The following DCAF7 variants were observed in gnomAD, a reference collection of about 807,000 sequenced individuals.
DCAF7 encodes DDB1- and CUL4-associated factor 7.
In DCAF7, 4 loss-of-function variants were observed where a neutral mutation model predicts 41.2. That is an observed-to-expected ratio of 0.10 (90% confidence interval 0.05 to 0.22). The LOEUF (loss-of-function observed/expected upper bound fraction) is 0.22. Ranked by LOEUF, DCAF7 falls within the 10% of genes least tolerant of loss-of-function variation. The pLI, the probability that DCAF7 is intolerant of heterozygous loss-of-function variation, is 1.00. For synonymous variants in DCAF7, 143 were observed against 164.2 expected (o/e 0.87, Z 0.99); for missense variants, 131 against 443.2 (o/e 0.30, Z 6.32).
In DCAF7 at chr17:63,550,558, G is replaced by C; in HGVS notation, c.-120G>C. The C allele has an allele frequency of 6.8e-7, 1 of 1,469,184 alleles. No individual in the cohort carries two copies. The allele number at this position is 1,469,184 out of a possible 1,614,324, so 91.0% of individuals were successfully genotyped here. A position where few individuals can be genotyped will look rare whatever the true frequency, so the allele number is the denominator to read the frequency against. ...TTTGTCGCCGCATCCCCGCTTCCGG[G>C]TTAGGCCGTTCCTGCCCGCCCCCTC... On this transcript the variant is annotated 5_prime_UTR_variant, in exon 1 of 7. Coordinates refer to ENST00000614556, the MANE Select transcript of DCAF7 (RefSeq NM_005828.5). This position sits in a 1 kb window ranked among gnomAD's most constrained non-coding sequence, Gnocchi z 4.8.
chr17:63,567,029 A>G (rs531432810), intron 1 of DCAF7, among the ~76,000 whole-genome samples: 71 of 151,954 alleles, frequency 4.7e-4, no homozygotes, highest in South Asian at 4.4e-3. Context: ...GTCTCAAACT[A>G]CTGGGCTCAA....
rs565363123 is a variant in DCAF7, at chr17:63,559,383, A to ATG, written c.138+8569_138+8570insGT. Among the ~76,000 whole-genome samples, 224 of 53,222 alleles carry ATG rather than the reference A, an allele frequency of 4.2e-3. 2 individuals are homozygous for ATG. Among genetic ancestry groups the ATG allele is most frequent in the African/African-American group, 8.6e-3 (121 of 14,046 alleles). The allele number at this position is 53,222 out of a possible 152,430, so 34.9% of individuals were successfully genotyped here. A position where few individuals can be genotyped will look rare whatever the true frequency, so the allele number is the denominator to read the frequency against. On this transcript the variant is annotated intron_variant, in intron 1 of 6. Coordinates refer to ENST00000614556, the MANE Select transcript of DCAF7 (RefSeq NM_005828.5). The stretch of plus-strand genomic sequence containing the variant: ...TGTATGTATATATATATGTGTATAT[A>ATG]TATGTATATATATATGTATATATAT...
At position 63,579,197 on chromosome 17, in the gene DCAF7, G is replaced by A. The variant is rs576707219; in HGVS notation, c.298-140G>A. Reference sequence around the variant, plus strand: ...GAAAAAGTAGCATTCAGGGAGTCCTGGGTTTATTACTGTTTTTGATAAAAA... The same window carrying A: ...GAAAAAGTAGCATTCAGGGAGTCCTAGGTTTATTACTGTTTTTGATAAAAA... On this transcript the variant is annotated intron_variant, in intron 2 of 6. Coordinates refer to ENST00000614556, the MANE Select transcript of DCAF7 (RefSeq NM_005828.5). 1.2e-3 allele frequency: 713 copies of A among 611,938 alleles called. 3 individuals are homozygous for A. Among genetic ancestry groups the A allele is most frequent in the Non-Finnish European group, 1.7e-3 (592 of 351,648 alleles). 37.9% of individuals were successfully genotyped at this position (611,938 alleles called of 1,614,324 possible).
At chr17:63,573,589 G>T (rs1268339661) in intron 1 of DCAF7, among the ~76,000 whole-genome samples, 1 of 152,096 alleles carries the variant, frequency 6.6e-6, no homozygotes, top group Admixed American at 6.5e-5. Context: ...AATTAGCAGG[G>T]TACAGTGGCA....
chr17:63,555,710 T>A (rs1486341074), intron 1 of DCAF7, among the ~76,000 whole-genome samples: 2 of 152,216 alleles, frequency 1.3e-5, no homozygotes, highest in Non-Finnish European at 2.9e-5. Flanking sequence ...AAAACTCTTC[T>A]GGTTTTAACT....
Position 63,565,791 on chromosome 17 carries a change from A to G in DCAF7, c.139-12679A>G, listed in dbSNP as rs376417820. ...ATTATTGTTATTCAAAAGTAAAGGT[A>G]GTCAATGAACAAATGTACTCAGCCT... On this transcript the variant is annotated intron_variant, in intron 1 of 6. Coordinates refer to ENST00000614556, the MANE Select transcript of DCAF7 (RefSeq NM_005828.5). Among the ~76,000 whole-genome samples, 5 of 152,280 alleles carry G rather than the reference A, an allele frequency of 3.3e-5. No individual in the cohort carries two copies. The East Asian group carries it at 5.8e-4, about 18-fold the overall frequency.
At chr17:63,559,156 G>A (rs942523514) in intron 1 of DCAF7, among the ~76,000 whole-genome samples, 17 of 150,800 alleles carry the variant, frequency 1.1e-4, no homozygotes, top group African/African-American at 4.2e-4. Context: ...CTAAAAATAC[G>A]AAAAATTAGC....
chr17:63,551,231 G>A (rs1376182450), intron 1 of DCAF7, among the ~76,000 whole-genome samples: 2 of 151,964 alleles, frequency 1.3e-5, no homozygotes, highest in Admixed American at 6.6e-5. Flanking sequence ...GCTTCTATTG[G>A]TGGTCGTGCA....
chr17:63,585,398 G>C, intron 6 of DCAF7, 70 bp downstream of exon 6: 1 of 1,373,876 alleles, frequency 7.3e-7, no homozygotes, highest in Non-Finnish European at 1.0e-6. Context: ...CCTTAGAATT[G>C]TAGTTGTTAC....
chr17:63,563,876 A>G (rs2033410476), intron 1 of DCAF7, among the ~76,000 whole-genome samples: 1 of 152,126 alleles, frequency 6.6e-6, no homozygotes, highest in Non-Finnish European at 1.5e-5. Context: ...AAGTAAGAGA[A>G]AACAGTGTAC....
intron 1 of DCAF7, among the ~76,000 whole-genome samples, chr17:63,563,784 C>T (rs2033408867): frequency 6.6e-6 from 1 of 151,724 alleles, no homozygotes; most frequent in African/African-American, 2.4e-5. Flanking sequence ...CACTGCACTC[C>T]AGCTTGGGCG....
chr17:63,561,270 A>G (rs971218919), intron 1 of DCAF7, among the ~76,000 whole-genome samples: 9 of 152,218 alleles, frequency 5.9e-5, no homozygotes, highest in African/African-American at 2.2e-4. Context: ...ATCTCAAAAA[A>G]TAAAAAAGAA....
At chr17:63,582,333 T>G (rs562544746) in intron 4 of DCAF7, among the ~76,000 whole-genome samples, 2 of 152,326 alleles carry the variant, frequency 1.3e-5, no homozygotes, top group Non-Finnish European at 2.9e-5. Context: ...GCTGTAATAT[T>G]TAGTGAGAAA....
At position 63,550,905 on chromosome 17, in the gene DCAF7, C is replaced by T. The variant is rs1438322781; in HGVS notation, c.138+90C>T. The T allele has an allele frequency of 1.3e-6, 2 of 1,524,200 alleles. No homozygotes were observed. The highest frequency in any genetic ancestry group is 2.1e-5 in the Admixed American group (1 of 48,542). 94.4% of individuals were successfully genotyped at this position (1,524,200 alleles called of 1,614,324 possible). A position where few individuals can be genotyped will look rare whatever the true frequency, so the allele number is the denominator to read the frequency against. On this transcript the variant is annotated intron_variant, in intron 1 of 6. Transcript: ENST00000614556. The surrounding 1 kb of genome is among the most constrained non-coding windows in gnomAD (Gnocchi z 4.8). ...GCCGGAGCCCAGGCCTCAGAACCCT[C>T]TTGCGGACTCGCCCTAGGGCCACGG...
intron 5 of DCAF7, 84 bp from the exon 6 acceptor site, chr17:63,585,127 A>G: frequency 1.8e-6 from 2 of 1,126,408 alleles, no homozygotes; most frequent in South Asian, 1.4e-5. Context: ...TATGCCTAAA[A>G]AGATTTTTGC....
chr17:63,572,129 A>C (rs2033513893), intron 1 of DCAF7, among the ~76,000 whole-genome samples: 1 of 152,236 alleles, frequency 6.6e-6, no homozygotes, highest in Non-Finnish European at 1.5e-5. Flanking sequence ...TGCCTTATGA[A>C]GGAGGCAAGA....
rs1181030413 is a variant in DCAF7 at position 63,572,304 on chromosome 17, G to C, written c.139-6166G>C. Among the ~76,000 whole-genome samples, 4 of 152,222 alleles carry C rather than the reference G, an allele frequency of 2.6e-5. No individual in the cohort carries two copies. In the East Asian group the frequency reaches 7.7e-4, roughly 29 times the overall value. On this transcript the variant is annotated intron_variant, in intron 1 of 6. Coordinates refer to ENST00000614556, the MANE Select transcript of DCAF7 (RefSeq NM_005828.5). ...AGTCTTACAGCTAGCAGGTGGTTAA[G>C]TGGGGAGCCCTAGAAGCCCAATTCC...
rs1451167411 is a variant in DCAF7 at position 63,559,367 on chromosome 17, A to G, written c.138+8552A>G. 2.1e-3 allele frequency among the ~76,000 whole-genome samples: 208 copies of G among 100,754 alleles called. 3 individuals carry two copies. Among genetic ancestry groups the G allele is most frequent in the African/African-American group, 0.011 (204 of 18,776 alleles). The allele number at this position is 100,754 out of a possible 152,430, so 66.1% of individuals were successfully genotyped here. A position where few individuals can be genotyped will look rare whatever the true frequency, so the allele number is the denominator to read the frequency against. ...TATATACGTATATATATGTATGTAT[A>G]TATATATGTGTATATATATGTATAT... On this transcript the variant is annotated intron_variant, in intron 1 of 6. Transcript: ENST00000614556.
chr17:63,567,248 T>C (rs2033453293), intron 1 of DCAF7, among the ~76,000 whole-genome samples: 1 of 152,222 alleles, frequency 6.6e-6, no homozygotes, highest in African/African-American at 2.4e-5. Flanking sequence ...CTCTGTATTA[T>C]ATGCATATTC....
Sources: gnomAD v4.1 joint callset for allele counts (sites outside exome capture counted in the v4.1 genomes callset) on GRCh38, gnomAD v4.1.1 for gene constraint, Gnocchi (gnomAD v3.1) non-coding constraint, MANE v1.5 for transcripts, NCBI Gene and HGNC (gene_info 2026-07-23, HGNC 2026-07-21) for gene names.